The following LDLRAD3 variants were observed in gnomAD, a reference collection of about 807,000 sequenced individuals.
LDLRAD3 encodes low density lipoprotein receptor class A domain containing 3.
LDLRAD3 carries 20 observed loss-of-function variants against 29.4 expected under a neutral mutation model. The ratio of observed to expected loss-of-function variants is 0.68; its 90% CI spans 0.48 to 0.99. The LOEUF (loss-of-function observed/expected upper bound fraction) is 0.99, where lower values mean the gene tolerates loss of function less well. LDLRAD3 is among the 50% of genes least tolerant of loss of function. The pLI is 0.00. For missense variants in LDLRAD3, 420 were observed against 454.3 expected (o/e 0.92, Z 0.69); for synonymous variants, 157 against 192.7 (o/e 0.81, Z 1.53).
chr11:35,992,916 A>G (rs114531493), intron 1 of LDLRAD3, among the ~76,000 whole-genome samples: 2,978 of 152,356 alleles, frequency 0.02, 98 homozygotes, highest in African/African-American at 0.065. Context: ...GAACATTTAT[A>G]TAAAGGTGAA....
intron 3 of LDLRAD3, among the ~76,000 whole-genome samples, chr11:36,082,167 C>G (rs1393283007): frequency 6.6e-6 from 1 of 152,204 alleles, no homozygotes; most frequent in Non-Finnish European, 1.5e-5. Context: ...TGATACAACA[C>G]TTAATGTTTA....
At chr11:36,031,663 C>A (rs915861911) in intron 1 of LDLRAD3, among the ~76,000 whole-genome samples, 5 of 152,102 alleles carry the variant, frequency 3.3e-5, no homozygotes, top group Non-Finnish European at 5.9e-5. Context: ...CACCAGTAAG[C>A]AAAAGCTGGG....
intron 4 of LDLRAD3, among the ~76,000 whole-genome samples, chr11:36,147,901 C>T (rs1854221814): frequency 6.6e-6 from 1 of 151,946 alleles, no homozygotes; most frequent in African/African-American, 2.4e-5. Flanking sequence ...GACAGAGTTT[C>T]ACTGTGTTGC....
chr11:36,021,333 A>G (rs262428), intron 1 of LDLRAD3, among the ~76,000 whole-genome samples: 140,166 of 152,124 alleles, frequency 0.92, 65,653 homozygotes, highest in Non-Finnish European at 1. Flanking sequence ...AGGCTGTTAA[A>G]GGAGGGAAAG....
At chr11:36,105,299 C>T (rs962842734) in intron 4 of LDLRAD3, among the ~76,000 whole-genome samples, 7 of 150,850 alleles carry the variant, frequency 4.6e-5, no homozygotes, top group African/African-American at 1.5e-4. Context: ...AGAGTGTATG[C>T]ATTCTTCAAG....
Position 35,993,670 on chromosome 11 carries a change from A to AG in LDLRAD3, c.47-42433_47-42432insG, listed in dbSNP as rs1449392285. Among the ~76,000 whole-genome samples, 65 of 152,116 alleles carry AG rather than the reference A, an allele frequency of 4.3e-4. 1 individual carries two copies. The highest frequency in any genetic ancestry group is 1.5e-3 in the African/African-American group (63 of 41,490). On this transcript the variant is annotated intron_variant, in intron 1 of 5. Coordinates refer to ENST00000315571, the MANE Select transcript of LDLRAD3 (RefSeq NM_174902.4). ...GTCCTGGCCAGAGATACAAAAAAAA[A>AG]AAAAAAAAGAATTTTTACTGGAGTA...
At chr11:36,183,889 G>A in intron 4 of LDLRAD3, 1 of 211,426 alleles carries the variant, frequency 4.7e-6, no homozygotes, top group South Asian at 4.8e-5. Context: ...TGGGTCCATT[G>A]AGTTTTTAAT....
chr11:36,120,628 G>A (rs1853742788), intron 4 of LDLRAD3, among the ~76,000 whole-genome samples: 2 of 152,100 alleles, frequency 1.3e-5, no homozygotes, highest in South Asian at 4.1e-4. Context: ...ATTTGCCCTG[G>A]GTCACTCAGC....
intron 4 of LDLRAD3, among the ~76,000 whole-genome samples, chr11:36,123,679 G>A (rs1853793191): frequency 6.6e-6 from 1 of 152,248 alleles, no homozygotes; most frequent in South Asian, 2.1e-4. Flanking sequence ...GAAGTTTGGA[G>A]GGGGAGTAGG....
At chr11:36,112,541 C>T (rs1443573290) in intron 4 of LDLRAD3, among the ~76,000 whole-genome samples, 1 of 152,228 alleles carries the variant, frequency 6.6e-6, no homozygotes, top group East Asian at 1.9e-4. Context: ...CTCCAAGACA[C>T]CTCCCTGCCA....
At chr11:36,181,230 T>TA (rs5791085) in intron 4 of LDLRAD3, among the ~76,000 whole-genome samples, 44 of 146,742 alleles carry the variant, frequency 3.0e-4, no homozygotes, top group African/African-American at 5.5e-4. Flanking sequence ...CTACACATGG[T>TA]AAAAAAAAAA....
At chr11:36,132,902 G>A (rs72933516) in intron 4 of LDLRAD3, among the ~76,000 whole-genome samples, 26,722 of 152,198 alleles carry the variant, frequency 0.18, 2,838 homozygotes, top group Middle Eastern at 0.24. Context: ...TCCCAGCCAC[G>A]TGACCCTGGG....
At chr11:36,086,750 G>T (rs940269417) in intron 3 of LDLRAD3, among the ~76,000 whole-genome samples, 37 of 152,110 alleles carry the variant, frequency 2.4e-4, no homozygotes, top group African/African-American at 8.7e-4. Context: ...TTTAAATTTT[G>T]GTCTTATTCT....
intron 4 of LDLRAD3, chr11:36,196,668 T>C (rs3812772): frequency 0.081 from 12,282 of 152,284 alleles, 540 homozygotes; most frequent in East Asian, 0.19. Context: ...GTCTGTCTGC[T>C]GGTACACGCA....
chr11:36,223,163 AG>A (rs1590368143), intron 4 of LDLRAD3, among the ~76,000 whole-genome samples: 1 of 152,214 alleles, frequency 6.6e-6, no homozygotes, highest in South Asian at 2.1e-4. Context: ...AAACGAGAGC[AG>A]GCACCACTGA....
chr11:36,052,968 ATTTT>A (rs10711575), intron 2 of LDLRAD3, among the ~76,000 whole-genome samples: 1 of 147,342 alleles, frequency 6.8e-6, no homozygotes, highest in Admixed American at 6.7e-5. Context: ...TTGAGGTCTG[ATTTT>A]TTTTTTTTTT....
At chr11:35,966,922 T>A (rs1320833063) in intron 1 of LDLRAD3, 1 of 153,756 alleles carries the variant, frequency 6.5e-6, no homozygotes, top group African/African-American at 2.4e-5. Context: ...TATTCCTTTC[T>A]ATGTACAGCG....
chr11:36,077,678 T>C (rs1165681579), intron 2 of LDLRAD3, among the ~76,000 whole-genome samples: 2 of 152,188 alleles, frequency 1.3e-5, no homozygotes, highest in Non-Finnish European at 2.9e-5. Context: ...CACTGGGGAA[T>C]GCAGTGTGGT....
chr11:36,135,240 G>A (rs1175476624), intron 4 of LDLRAD3, among the ~76,000 whole-genome samples: 2 of 152,218 alleles, frequency 1.3e-5, no homozygotes, highest in Non-Finnish European at 2.9e-5. Context: ...ATCAAAGCCA[G>A]AAGTCCAGGG....
Sources: gnomAD v4.1 joint callset for allele counts (sites outside exome capture counted in the v4.1 genomes callset) on GRCh38, gnomAD v4.1.1 for gene constraint, MANE v1.5 for transcripts, NCBI Gene and HGNC (gene_info 2026-07-23, HGNC 2026-07-21) for gene names.